Variants in IL1RAPL2 observed in about 807,000 individuals in gnomAD.
IL1RAPL2 encodes interleukin 1 receptor accessory protein like 2.
In IL1RAPL2, 3 loss-of-function variants were observed where a neutral mutation model predicts 44.1. The ratio of observed to expected loss-of-function variants is 0.07; its 90% confidence interval spans 0.03 to 0.18. The LOEUF is 0.18. IL1RAPL2 is among the 10% of genes least tolerant of loss of function. IL1RAPL2 has a pLI of 1.00. For synonymous variants in IL1RAPL2, 181 were observed against 178.8 expected (o/e 1.01, Z -0.10); for missense variants, 391 against 496.4 (o/e 0.79, Z 2.02).
At chrX:104,753,524 C>T (rs1344146000) in intron 2 of IL1RAPL2, among the ~76,000 whole-genome samples, 1 of 111,392 alleles carries the variant, frequency 9.0e-6, no homozygotes, top group Non-Finnish European at 1.9e-5. Context: ...CTCAGGATTC[C>T]TGAATAACTT....
At chrX:105,048,309 TTAATG>T (rs1478494903) in intron 2 of IL1RAPL2, among the ~76,000 whole-genome samples, 1 of 112,260 alleles carries the variant, frequency 8.9e-6, no homozygotes, top group Non-Finnish European at 1.9e-5. Context: ...TTTCACTTAC[TTAATG>T]TATTTTCATG....
intron 5 of IL1RAPL2, among the ~76,000 whole-genome samples, chrX:105,365,455 G>A (rs2035286842): frequency 9.0e-6 from 1 of 111,054 alleles, no homozygotes; most frequent in Non-Finnish European, 1.9e-5. Context: ...TTTTTTTGGG[G>A]GAGAGTTTGA....
intron 2 of IL1RAPL2, among the ~76,000 whole-genome samples, chrX:104,894,436 T>G (rs1053231041): frequency 8.9e-6 from 1 of 112,145 alleles, no homozygotes; most frequent in African/African-American, 3.2e-5. Context: ...AGATGTAGAT[T>G]TGGTCTTTTC....
intron 2 of IL1RAPL2, among the ~76,000 whole-genome samples, chrX:104,838,536 G>C (rs1921804576): frequency 9.0e-6 from 1 of 111,197 alleles, no homozygotes; most frequent in African/African-American, 3.3e-5. Context: ...TTTATTGTTG[G>C]TGTGTAGGAA....
intron 2 of IL1RAPL2, among the ~76,000 whole-genome samples, chrX:105,110,676 ACAC>A (rs1384371367): frequency 8.9e-6 from 1 of 112,108 alleles, no homozygotes; most frequent in Non-Finnish European, 1.9e-5. Flanking sequence ...ACAGTGGCTC[ACAC>A]CTGTAATCCC....
chrX:104,979,762 C>T (rs988210719), intron 2 of IL1RAPL2, among the ~76,000 whole-genome samples: 12 of 111,820 alleles, frequency 1.1e-4, no homozygotes, highest in African/African-American at 3.9e-4. Context: ...AGAAATTTGT[C>T]CTACTGATAA....
chrX:105,279,605 G>A (rs763033469), intron 5 of IL1RAPL2, among the ~76,000 whole-genome samples: 17 of 111,139 alleles, frequency 1.5e-4, no homozygotes, highest in Middle Eastern at 4.6e-3. Context: ...TCAGCCTCCC[G>A]AGTAGCTGGG....
chrX:105,112,091 G>A (rs1022102841), intron 2 of IL1RAPL2, among the ~76,000 whole-genome samples: 9 of 111,588 alleles, frequency 8.1e-5, no homozygotes, highest in African/African-American at 2.9e-4. Context: ...AGTGATTCCG[G>A]CCCCAAATCT....
intron 9 of IL1RAPL2, among the ~76,000 whole-genome samples, chrX:105,752,245 T>TA (rs1272433411): frequency 2.7e-5 from 3 of 111,921 alleles, no homozygotes; most frequent in African/African-American, 9.7e-5. Flanking sequence ...AGGTATATAA[T>TA]AATCAACAAG....
At chrX:104,632,147 G>A (rs1351355877) in intron 1 of IL1RAPL2, among the ~76,000 whole-genome samples, 1 of 111,456 alleles carries the variant, frequency 9.0e-6, no homozygotes, top group Non-Finnish European at 1.9e-5. Flanking sequence ...AGATCAGATG[G>A]TTGTAGATAT....
intron 10 of IL1RAPL2, among the ~76,000 whole-genome samples, chrX:105,765,617 A>G (rs758437729): frequency 8.9e-6 from 1 of 112,685 alleles, no homozygotes; most frequent in South Asian, 3.6e-4. Flanking sequence ...TAAATGGGCA[A>G]TTCTATGTGT....
At chrX:104,622,069 G>A (rs1330029306) in intron 1 of IL1RAPL2, among the ~76,000 whole-genome samples, 2 of 110,076 alleles carry the variant, frequency 1.8e-5, no homozygotes, top group Non-Finnish European at 3.8e-5. Flanking sequence ...CATGCGAGAA[G>A]TTTTTATTAC....
intron 5 of IL1RAPL2, among the ~76,000 whole-genome samples, chrX:105,288,028 G>A (rs1603048805): frequency 9.0e-6 from 1 of 111,486 alleles, no homozygotes; most frequent in Non-Finnish European, 1.9e-5. Flanking sequence ...TGGAAGCCCA[G>A]AGGAGGAGAA....
At chrX:104,642,751 C>G (rs1929957974) in intron 1 of IL1RAPL2, among the ~76,000 whole-genome samples, 2 of 111,889 alleles carry the variant, frequency 1.8e-5, no homozygotes, top group African/African-American at 6.5e-5. Flanking sequence ...TCCCAAAGTG[C>G]TGGGATTACA....
chrX:105,617,369 G>T (rs1186523205), intron 6 of IL1RAPL2, among the ~76,000 whole-genome samples: 1 of 110,741 alleles, frequency 9.0e-6, no homozygotes, highest in Non-Finnish European at 1.9e-5. Context: ...GCCCTGAGTG[G>T]CCACTGACAA....
intron 2 of IL1RAPL2, among the ~76,000 whole-genome samples, chrX:104,820,358 C>CT (rs1298368597): frequency 8.9e-6 from 1 of 111,774 alleles, no homozygotes; most frequent in Non-Finnish European, 1.9e-5. Flanking sequence ...AGGATTTAGG[C>CT]TTTTTTGGTT....
At chrX:104,665,761 G>A (rs1345635501) in intron 2 of IL1RAPL2, among the ~76,000 whole-genome samples, 1 of 110,879 alleles carries the variant, frequency 9.0e-6, no homozygotes, top group Non-Finnish European at 1.9e-5. Flanking sequence ...ATTCCATTGT[G>A]TGGACTTATA....
intron 2 of IL1RAPL2, among the ~76,000 whole-genome samples, chrX:104,970,201 T>C (rs2030205655): frequency 8.9e-6 from 1 of 111,887 alleles, no homozygotes; most frequent in Non-Finnish European, 1.9e-5. Context: ...AATGGATAAA[T>C]AAATTATAGT....
intron 1 of IL1RAPL2, among the ~76,000 whole-genome samples, chrX:104,595,158 T>C (rs765590008): frequency 1.3e-4 from 14 of 111,473 alleles, no homozygotes; most frequent in Non-Finnish European, 1.9e-4. Flanking sequence ...GAGATGGTAG[T>C]CACCTCAATG....
Sources: gnomAD v4.1 joint callset for allele counts (sites outside exome capture counted in the v4.1 genomes callset) on GRCh38, gnomAD v4.1.1 for gene constraint, MANE v1.5 for transcripts, NCBI Gene and HGNC (gene_info 2026-07-23, HGNC 2026-07-21) for gene names.